Variants in GPC5 observed in about 807,000 individuals in gnomAD.
GPC5 encodes glypican-5.
A neutral mutation model predicts 53.9 loss-of-function variants in GPC5; 47 were observed. That is an observed-to-expected ratio of 0.87 (90% CI 0.69 to 1.11). The LOEUF is 1.11. Ranked by LOEUF, GPC5 falls within the 50% of genes most tolerant of loss-of-function variation. GPC5 has a pLI of 0.00. For missense variants in GPC5, 748 were observed against 713.1 expected (o/e 1.05, Z -0.56); for synonymous variants, 286 against 263.3 (o/e 1.09, Z -0.84).
chr13:92,655,079 A>C (rs1886083077), intron 7 of GPC5, among the ~76,000 whole-genome samples: 1 of 152,158 alleles, frequency 6.6e-6, no homozygotes, highest in African/African-American at 2.4e-5. Context: ...TTTCCCTCAG[A>C]GCCTTCAGAA....
intron 7 of GPC5, among the ~76,000 whole-genome samples, chr13:92,409,465 A>ATTTAAGGTG: frequency 6.6e-6 from 1 of 152,094 alleles, no homozygotes; most frequent in Non-Finnish European, 1.5e-5. Flanking sequence ...GCTATGCCAC[A>ATTTAAGGTG]CTAATATTTA....
chr13:91,979,960 C>T (rs536074640), intron 6 of GPC5, among the ~76,000 whole-genome samples: 32 of 152,240 alleles, frequency 2.1e-4, no homozygotes, highest in Middle Eastern at 6.8e-3. Flanking sequence ...GAGACACCTC[C>T]GCCTTTTACT....
At chr13:92,680,580 T>C (rs758968386) in intron 7 of GPC5, among the ~76,000 whole-genome samples, 7 of 152,190 alleles carry the variant, frequency 4.6e-5, no homozygotes, top group Non-Finnish European at 5.9e-5. Flanking sequence ...ACTAGAACTG[T>C]TTAGCAAGAA....
rs1363657472 is a variant in GPC5 at position 91,897,177 on chromosome 13, A to T, written c.1281-10760A>T. 2.0e-5 allele frequency among the ~76,000 whole-genome samples: 3 copies of T among 152,166 alleles called. No individual in the cohort carries two copies. In the East Asian group the frequency reaches 5.8e-4, roughly 29 times the overall value. ...ATAGAGACAAGATTGAAACTGTGTT[A>T]TGCTCAAATTCCAATATTTTTTTAA... On this transcript the variant is annotated intron_variant, in intron 5 of 7. Coordinates refer to ENST00000377067, the MANE Select transcript of GPC5 (RefSeq NM_004466.6).
At chr13:92,824,302 A>C (rs1021347893) in intron 7 of GPC5, among the ~76,000 whole-genome samples, 1 of 152,102 alleles carries the variant, frequency 6.6e-6, no homozygotes, top group African/African-American at 2.4e-5. Context: ...AGCAGACGAC[A>C]GGAGTTTTCC....
intron 7 of GPC5, among the ~76,000 whole-genome samples, chr13:92,570,635 G>A (rs976172653): frequency 1.3e-5 from 2 of 151,904 alleles, no homozygotes; most frequent in Non-Finnish European, 2.9e-5. Context: ...TATTAATATT[G>A]TGATATGTTT....
intron 2 of GPC5, among the ~76,000 whole-genome samples, chr13:91,556,899 A>G (rs773639374): frequency 1.3e-5 from 2 of 151,910 alleles, no homozygotes; most frequent in African/African-American, 2.4e-5. Context: ...GTGCACCACA[A>G]TCTCACAAAT....
intron 6 of GPC5, among the ~76,000 whole-genome samples, chr13:92,039,798 T>C (rs1288159584): frequency 1.3e-5 from 2 of 152,198 alleles, no homozygotes; most frequent in African/African-American, 4.8e-5. Context: ...TTCCTCTTCT[T>C]GAAATAAAAT....
At chr13:92,382,190 A>G (rs1308693045) in intron 7 of GPC5, among the ~76,000 whole-genome samples, 1 of 151,858 alleles carries the variant, frequency 6.6e-6, no homozygotes, top group Non-Finnish European at 1.5e-5. Context: ...CATAAGAATG[A>G]TACAATGGAC....
intron 6 of GPC5, among the ~76,000 whole-genome samples, chr13:92,012,070 A>G (rs1594722991): frequency 6.6e-6 from 1 of 152,230 alleles, no homozygotes; most frequent in South Asian, 2.1e-4. Flanking sequence ...CTAGAAAATA[A>G]TAAGAGAGAA....
intron 7 of GPC5, among the ~76,000 whole-genome samples, chr13:92,573,423 C>T (rs1175246910): frequency 6.6e-6 from 1 of 152,094 alleles, no homozygotes; most frequent in Non-Finnish European, 1.5e-5. Flanking sequence ...TTGTACTACT[C>T]CAGAGACAAG....
At chr13:91,729,057 T>C (rs2036637906) in intron 4 of GPC5, among the ~76,000 whole-genome samples, 1 of 152,188 alleles carries the variant, frequency 6.6e-6, no homozygotes, top group Non-Finnish European at 1.5e-5. Flanking sequence ...TAGTGGCTAT[T>C]GTATTGGACA....
chr13:92,399,683 G>C (rs184917004), intron 7 of GPC5, among the ~76,000 whole-genome samples: 24 of 152,252 alleles, frequency 1.6e-4, no homozygotes, highest in African/African-American at 5.8e-4. Flanking sequence ...ACAGCTTCAC[G>C]AGAAGCAAGT....
At chr13:92,618,393 T>C (rs1027115487) in intron 7 of GPC5, among the ~76,000 whole-genome samples, 4 of 152,096 alleles carry the variant, frequency 2.6e-5, no homozygotes, top group African/African-American at 9.6e-5. Context: ...TTAACTTCAG[T>C]CACTCTTTAT....
chr13:91,793,879 C>A (rs1422414518), intron 5 of GPC5, among the ~76,000 whole-genome samples: 1 of 152,118 alleles, frequency 6.6e-6, no homozygotes, highest in Non-Finnish European at 1.5e-5. Context: ...CCCCATGATC[C>A]AATTGCCTCC....
intron 7 of GPC5, among the ~76,000 whole-genome samples, chr13:92,166,603 T>G (rs995168963): frequency 1.3e-5 from 2 of 152,068 alleles, no homozygotes; most frequent in African/African-American, 4.8e-5. Context: ...CCAAGAGAAC[T>G]GTGAGGTGAC....
At chr13:92,521,056 AT>A (rs2138968660) in intron 7 of GPC5, among the ~76,000 whole-genome samples, 1 of 152,326 alleles carries the variant, frequency 6.6e-6, no homozygotes, top group Non-Finnish European at 1.5e-5. Flanking sequence ...ATACTTAGGA[AT>A]CCAACTTACA....
intron 7 of GPC5, among the ~76,000 whole-genome samples, chr13:92,541,097 G>A (rs1012758336): frequency 5.3e-5 from 8 of 151,720 alleles, no homozygotes; most frequent in African/African-American, 1.7e-4. Flanking sequence ...TGTTTATGAA[G>A]GTTATGGCAT....
chr13:92,140,621 TG>T (rs2041823504), intron 6 of GPC5, among the ~76,000 whole-genome samples: 1 of 152,164 alleles, frequency 6.6e-6, no homozygotes. Context: ...TCTAGACACA[TG>T]TCATGTTGGG....
Sources: gnomAD v4.1 joint callset for allele counts (sites outside exome capture counted in the v4.1 genomes callset) on GRCh38, gnomAD v4.1.1 for gene constraint, MANE v1.5 for transcripts, NCBI Gene and HGNC (gene_info 2026-07-23, HGNC 2026-07-21) for gene names.